The following DOCK3 variants were observed in gnomAD, a reference collection of about 807,000 sequenced individuals.
DOCK3 encodes the protein dedicator of cytokinesis 3.
A neutral mutation model predicts 265.6 loss-of-function variants in DOCK3; 60 were observed. The ratio of observed to expected loss-of-function variants is 0.23; its 90% CI spans 0.18 to 0.28. The LOEUF (loss-of-function observed/expected upper bound fraction) is 0.28, where lower values mean the gene tolerates loss of function less well. Ranked by LOEUF, DOCK3 falls within the 10% of genes least tolerant of loss-of-function variation. The pLI, the probability that DOCK3 is intolerant of heterozygous loss-of-function variation, is 1.00. For synonymous variants in DOCK3, 881 were observed against 938.0 expected, an observed-to-expected ratio of 0.94 and a Z score of 1.11; for missense variants, 1,981 against 2,594.3, an observed-to-expected ratio of 0.76 and a Z score of 5.14.
intron 5 of DOCK3, among the ~76,000 whole-genome samples, chr3:50,945,427 A>G (rs1292270995): frequency 5.3e-5 from 8 of 152,184 alleles, no homozygotes; most frequent in Non-Finnish European, 1.5e-5. Context: ...CTACTAGGGC[A>G]TAGTTACTGA....
chr3:51,310,097 A>G (rs2082976544), intron 27 of DOCK3, 135 bp from the exon 28 acceptor site: 4 of 714,776 alleles, frequency 5.6e-6, no homozygotes, highest in African/African-American at 1.7e-5. Context: ...TAAGAGAGAA[A>G]CAACTCACAG....
chr3:51,246,781 C>G lies in DOCK3; in HGVS notation c.2158C>G (p.Gln720Glu). Residue 720 changes from glutamine to glutamate, a missense_variant, in exon 22 of 53, where the codon CAG becomes GAG. Physicochemically the swap from Gln to Glu is conservative, Grantham distance 29 (BLOSUM62 2). This residue lies in a region of DOCK3 where 1,357 missense variants were observed against 1,866.8 expected (regional missense o/e 0.73). Transcript: ENST00000266037. ...GGACTGCTCAGCAGAACTGATTCGA[C>G]AGGACCACATTCAAGAAGCTATGCG... ...YMDCSAELIR[Q>E]DHIQEAMRAL... The G allele has an allele frequency of 6.2e-7, 1 of 1,613,502 alleles. No homozygotes were observed. Among genetic ancestry groups the G allele is most frequent in the Non-Finnish European group, 8.5e-7 (1 of 1,179,690 alleles).
chr3:50,895,528 T>A (rs1033769697), intron 4 of DOCK3, among the ~76,000 whole-genome samples: 2 of 151,984 alleles, frequency 1.3e-5, no homozygotes, highest in African/African-American at 4.8e-5. Context: ...AAAATTTTTT[T>A]ATTATACTTT....
chr3:50,780,621 A>G (rs2041860152), intron 2 of DOCK3, among the ~76,000 whole-genome samples: 1 of 152,190 alleles, frequency 6.6e-6, no homozygotes, highest in Non-Finnish European at 1.5e-5. Context: ...TGGTGCATAT[A>G]ATATATAGTG....
chr3:50,716,571 T>C (rs561818477), intron 1 of DOCK3, among the ~76,000 whole-genome samples: 1 of 150,780 alleles, frequency 6.6e-6, no homozygotes, highest in African/African-American at 2.4e-5. Flanking sequence ...TTAAAAAAAA[T>C]TATATATATA....
intron 5 of DOCK3, among the ~76,000 whole-genome samples, chr3:50,954,648 A>G (rs2076681391): frequency 6.6e-6 from 1 of 152,036 alleles, no homozygotes; most frequent in South Asian, 2.1e-4. Context: ...ATGCCTGTTC[A>G]TGTCCTTTAT....
chr3:50,868,663 T>C (rs1450543081), intron 3 of DOCK3, among the ~76,000 whole-genome samples: 1 of 152,120 alleles, frequency 6.6e-6, no homozygotes, highest in African/African-American at 2.4e-5. Context: ...TGTGAGCCAC[T>C]GCACCAGGCT....
At chr3:51,379,360 T>C in intron 51 of DOCK3, 1 of 979,052 alleles carries the variant, frequency 1.0e-6, no homozygotes, top group South Asian at 4.7e-5. Context: ...GGATACGTGG[T>C]GCACACTGGA....
intron 1 of DOCK3, among the ~76,000 whole-genome samples, chr3:50,709,384 T>A (rs1306429600): frequency 2.0e-5 from 3 of 152,206 alleles, no homozygotes; most frequent in Admixed American, 2.0e-4. Context: ...GCTGCCTTTT[T>A]ATTTCTTTTT....
chr3:50,903,595 A>G (rs898334442), intron 4 of DOCK3, among the ~76,000 whole-genome samples: 3 of 152,094 alleles, frequency 2.0e-5, no homozygotes, highest in East Asian at 1.9e-4. Context: ...TTTTGCATCA[A>G]TGTTCATCAG....
chr3:50,876,680 T>G (rs2047715867), intron 3 of DOCK3: 1 of 152,662 alleles, frequency 6.6e-6, no homozygotes, highest in Non-Finnish European at 1.5e-5. Context: ...GGCCTTTTAC[T>G]TGTCCAAAGG....
intron 7 of DOCK3, among the ~76,000 whole-genome samples, chr3:51,086,075 A>G (rs936011685): frequency 2.0e-5 from 3 of 152,228 alleles, no homozygotes; most frequent in Non-Finnish European, 4.4e-5. Flanking sequence ...AGCCTCAAAC[A>G]GAGATTTACC....
At chr3:50,906,805 A>G (rs922985955) in intron 4 of DOCK3, among the ~76,000 whole-genome samples, 2 of 151,752 alleles carry the variant, frequency 1.3e-5, no homozygotes, top group African/African-American at 2.4e-5. Context: ...TAGCTTTTGA[A>G]TGTGTTTGCT....
intron 5 of DOCK3, among the ~76,000 whole-genome samples, chr3:50,950,540 C>A (rs2076562066): frequency 6.6e-6 from 1 of 152,028 alleles, no homozygotes; most frequent in Non-Finnish European, 1.5e-5. Flanking sequence ...TGCTCATTTG[C>A]AGTTAATATT....
intron 27 of DOCK3, among the ~76,000 whole-genome samples, chr3:51,309,826 C>T (rs1001070190): frequency 2.0e-5 from 3 of 152,220 alleles, no homozygotes; most frequent in Admixed American, 6.5e-5. Flanking sequence ...CTCCCATCAT[C>T]GTGTTCTTAA....
intron 4 of DOCK3, chr3:50,898,470 C>CT (rs1559785403): frequency 6.6e-6 from 1 of 152,068 alleles, no homozygotes; most frequent in Non-Finnish European, 1.5e-5. Context: ...TTTTGTGTCT[C>CT]TATTTCCTTC....
intron 4 of DOCK3, chr3:50,901,017 G>T (rs1007744121): frequency 5.4e-6 from 2 of 367,752 alleles, no homozygotes; most frequent in Admixed American, 3.8e-5. Flanking sequence ...TGGGAGATTC[G>T]CTCCTCTCTT....
intron 2 of DOCK3, among the ~76,000 whole-genome samples, chr3:50,826,992 G>A (rs553589007): frequency 6.6e-6 from 1 of 152,194 alleles, no homozygotes; most frequent in East Asian, 1.9e-4. Flanking sequence ...GTAAGGAGAC[G>A]GGCTTCCAGA....
intron 5 of DOCK3, among the ~76,000 whole-genome samples, chr3:51,060,618 C>G (rs1352825295): frequency 6.6e-6 from 1 of 152,142 alleles, no homozygotes; most frequent in Non-Finnish European, 1.5e-5. Flanking sequence ...ATATTGCTAG[C>G]CAGTTTTCCC....
Sources: gnomAD v4.1 joint callset for allele counts (sites outside exome capture counted in the v4.1 genomes callset) on GRCh38, gnomAD v4.1.1 for gene constraint, gnomAD v4.1.1 regional missense constraint, MANE v1.5 for transcripts, NCBI Gene and HGNC (gene_info 2026-07-23, HGNC 2026-07-21) for gene names.